The following AKNAD1 variants were observed in gnomAD, a reference collection of about 807,000 sequenced individuals.
AKNAD1 encodes the protein AKNA domain containing 1.
Under a neutral mutation model 90.8 loss-of-function variants are expected in AKNAD1, and 67 were observed. That is an observed-to-expected ratio of 0.74 (90% CI 0.61 to 0.90). The LOEUF (loss-of-function observed/expected upper bound fraction) is 0.90, where lower values mean the gene tolerates loss of function less well. Among genes scored for constraint, AKNAD1 ranks in the 40% least tolerant of loss-of-function variants. The probability of loss-of-function intolerance (pLI) is 0.00; values close to 1 mark genes in which losing one functional copy is unlikely to be tolerated. For missense variants in AKNAD1, 957 were observed against 975.4 expected, an observed-to-expected ratio of 0.98 and a Z score of 0.25; for synonymous variants, 327 against 341.4, an observed-to-expected ratio of 0.96 and a Z score of 0.46.
Position 108,852,301 on chromosome 1 carries a change from A to G in AKNAD1, c.364T>C (p.Phe122Leu), listed in dbSNP as rs147800238. ...CAATCAATGCCTTGACCTCTTAAGAATGGCTCTTTGGAAAGATGATGAAGT... is the reference window on the plus strand; with the variant it reads ...CAATCAATGCCTTGACCTCTTAAGAGTGGCTCTTTGGAAAGATGATGAAGT... The part of the protein sequence containing the change: ...ILLHHLSKEP[F>L]LRGQGIDCET... Residue 122 changes from phenylalanine to leucine, a missense_variant, in exon 2 of 16, where the codon TTC (phenylalanine) becomes CTC (leucine). Coordinates refer to ENST00000370001, the MANE Select transcript of AKNAD1 (RefSeq NM_152763.5). 66 of 1,614,098 alleles carry G rather than the reference A, an allele frequency of 4.1e-5. No homozygotes were observed. Among genetic ancestry groups the G allele is most frequent in the Non-Finnish European group, 5.3e-5 (63 of 1,180,048 alleles).
rs1664862398 is a variant in AKNAD1 at position 108,851,529 on chromosome 1, C to T, written c.993+143G>A. On this transcript the variant is annotated intron_variant, in intron 2 of 15. Coordinates refer to ENST00000370001, the MANE Select transcript of AKNAD1 (RefSeq NM_152763.5). ...TGAGGACACTGAGAGTCGGAGTGGC[C>T]ACGTCACTCATCCAGGGTGACCCAG... 7.5e-6 allele frequency: 5 copies of T among 670,706 alleles called. No individual in the cohort carries two copies. The Admixed American group carries it at 7.9e-5, about 11-fold the overall frequency. The allele number at this position is 670,706 out of a possible 1,614,324, so 41.5% of individuals were successfully genotyped here.
At chr1:108,830,713 A>T (rs1233390776) in intron 9 of AKNAD1, 63 bp from the exon 10 acceptor site, 2 of 1,525,828 alleles carry the variant, frequency 1.3e-6, no homozygotes, top group Non-Finnish European at 1.8e-6. Flanking sequence ...GCGGCTGCAC[A>T]CGCACAGCCC....
At position 108,851,747 on chromosome 1, in the gene AKNAD1, C is replaced by G. The variant is rs143559172; in HGVS notation, c.918G>C (p.Thr306=). 8 of 1,612,318 alleles carry G rather than the reference C, an allele frequency of 5.0e-6. No individual in the cohort carries two copies. The highest frequency in any genetic ancestry group is 6.8e-6 in the Non-Finnish European group (8 of 1,179,490). The change falls in exon 2 of 16, where the codon ACG becomes ACC. Residue 306 remains threonine, a synonymous_variant. Transcript: ENST00000370001. The part of the protein sequence containing the change: ...PTLVQDSLET[T]PESNCVEKQH... ...GTTTTTCAACACAGTTTGACTCAGG[C>G]GTGGTTTCTAGACTATCTTGCACAA...
intron 6 of AKNAD1, among the ~76,000 whole-genome samples, chr1:108,842,730 A>G (rs1220011994): frequency 6.6e-6 from 1 of 152,110 alleles, no homozygotes; most frequent in Non-Finnish European, 1.5e-5. Flanking sequence ...GATAGATAAG[A>G]GAGGAAAAAG....
chr1:108,848,683 A>C, intron 5 of AKNAD1, 69 bp downstream of exon 5: 2 of 1,392,242 alleles, frequency 1.4e-6, no homozygotes, highest in South Asian at 2.5e-5. Context: ...ATGGCACTAT[A>C]AAGTTATTTA....
chr1:108,836,766 T>A (rs1374696122), intron 7 of AKNAD1: 8 of 152,244 alleles, frequency 5.3e-5, no homozygotes, highest in Admixed American at 5.2e-4. Context: ...TTTCTCAGAA[T>A]TTTGATTTTA....
chr1:108,849,067 A>G lies in AKNAD1; in HGVS notation c.1034-7T>C. The G allele has an allele frequency of 3.2e-6, 5 of 1,574,560 alleles. No individual in the cohort carries two copies. The highest frequency in any genetic ancestry group is 4.3e-6 in the Non-Finnish European group (5 of 1,166,268). The stretch of plus-strand genomic sequence containing the variant: ...CTTGCCTCAGATTCTATTCCTATAC[A>G]AGAAAGAACACATTTGGGCTACCAT... On this transcript the variant is annotated splice_region_variant and splice_polypyrimidine_tract_variant and intron_variant, in intron 3 of 15. Coordinates refer to ENST00000370001, the MANE Select transcript of AKNAD1 (RefSeq NM_152763.5).
In AKNAD1 at chr1:108,851,987, T is replaced by A. The variant is rs111252541; in HGVS notation, c.678A>T (p.Lys226Asn). The A allele has an allele frequency of 0.013, 20,613 of 1,614,152 alleles. 294 individuals are homozygous for A. The highest frequency in any genetic ancestry group is 0.052 in the South Asian group (4,738 of 91,078). ...TCTGGGGTGACTGCCCTTGATAACTTTTTTGTTTATCACCTGGACCCTTGG... is the reference window on the plus strand; with the variant it reads ...TCTGGGGTGACTGCCCTTGATAACTATTTTGTTTATCACCTGGACCCTTGG... ...TKTKGPGDKQKSYQGQSPQKQ... is the reference protein window; with the variant it reads ...TKTKGPGDKQNSYQGQSPQKQ... The change falls in exon 2 of 16, where the codon AAA becomes AAT. Residue 226 changes from lysine to asparagine, a missense_variant. Physicochemically the swap from Lys to Asn is moderately conservative, Grantham distance 94 (BLOSUM62 0). Transcript: ENST00000370001.
intron 6 of AKNAD1, among the ~76,000 whole-genome samples, chr1:108,840,278 G>A (rs538821052): frequency 1.4e-4 from 22 of 152,210 alleles, no homozygotes; most frequent in Admixed American, 1.2e-3. Context: ...CCCAGTACAA[G>A]TTAAATATAC....
At chr1:108,820,245 T>C (rs1412682279) in intron 14 of AKNAD1, among the ~76,000 whole-genome samples, 1 of 152,216 alleles carries the variant, frequency 6.6e-6, no homozygotes, top group Non-Finnish European at 1.5e-5. Context: ...AATGGGACTT[T>C]GTACGTCCCC....
In AKNAD1 at chr1:108,827,304, T is replaced by TA. The variant is rs753901143; in HGVS notation, c.1839-3dup. The TA allele has an allele frequency of 4.4e-6, 7 of 1,595,760 alleles. No homozygotes were observed. Among genetic ancestry groups the TA allele is most frequent in the East Asian group, 2.3e-5 (1 of 43,892 alleles). Reference sequence around the variant, plus strand: ...CCCTTTTTCTCCACGTTTTGCTTCCTAAAAAAAGGTGCATAAGATCCTGTA... The same window carrying TA: ...CCCTTTTTCTCCACGTTTTGCTTCCTAAAAAAAAGGTGCATAAGATCCTGTA... On this transcript the variant is annotated splice_region_variant and splice_polypyrimidine_tract_variant and intron_variant, in intron 10 of 15. Transcript: ENST00000370001.
chr1:108,849,076 C>A lies in AKNAD1; in HGVS notation c.1034-16G>T. On this transcript the variant is annotated splice_polypyrimidine_tract_variant and intron_variant, in intron 3 of 15. Coordinates refer to ENST00000370001, the MANE Select transcript of AKNAD1 (RefSeq NM_152763.5). ...GATTCTATTCCTATACAAGAAAGAA[C>A]ACATTTGGGCTACCATTCATCTCAA... 1.3e-6 allele frequency: 2 copies of A among 1,556,788 alleles called. No individual in the cohort carries two copies. The highest frequency in any genetic ancestry group is 8.6e-7 in the Non-Finnish European group (1 of 1,158,086).
Position 108,843,193 on chromosome 1 carries a change from A to G in AKNAD1, c.1320T>C (p.Thr440=), listed in dbSNP as rs1344234806. The G allele has an allele frequency of 6.2e-7, 1 of 1,614,086 alleles. No individual in the cohort carries two copies. Among genetic ancestry groups the G allele is most frequent in the African/African-American group, 1.3e-5 (1 of 74,946 alleles). ...CGTGCTTGTGGACTTGCTGCTGCAAAGTCAGATGCTTGTCCTTGGTGGCCA... is the reference window on the plus strand; with the variant it reads ...CGTGCTTGTGGACTTGCTGCTGCAAGGTCAGATGCTTGTCCTTGGTGGCCA... The part of the protein sequence containing the change: ...NFLATKDKHL[T]LQQQVHKHES... The change falls in exon 6 of 16, where the codon ACT becomes ACC. Residue 440 remains threonine, a synonymous_variant. Coordinates refer to ENST00000370001, the MANE Select transcript of AKNAD1 (RefSeq NM_152763.5).
At chr1:108,843,840 A>G (rs1178042001) in intron 5 of AKNAD1, among the ~76,000 whole-genome samples, 2 of 152,184 alleles carry the variant, frequency 1.3e-5, no homozygotes, top group Non-Finnish European at 2.9e-5. Flanking sequence ...TGGGTCTTCC[A>G]GACATCACTA....
chr1:108,826,966 T>C (rs906341280), intron 11 of AKNAD1, among the ~76,000 whole-genome samples: 6 of 151,390 alleles, frequency 4.0e-5, no homozygotes, highest in African/African-American at 1.2e-4. Context: ...GGTCTTGAAC[T>C]CCTGAGCTCA....
chr1:108,819,464 A>AAAG lies in AKNAD1; in HGVS notation c.2249+1080_2249+1081insCTT, dbSNP rs200704733. 9.9e-3 allele frequency among the ~76,000 whole-genome samples: 1,504 copies of AAAG among 151,256 alleles called. 37 individuals carry two copies. The highest frequency in any genetic ancestry group is 0.083 in the East Asian group (423 of 5,092). On this transcript the variant is annotated intron_variant, in intron 14 of 15. Transcript: ENST00000370001. Reference sequence around the variant, plus strand: ...AAGACCCCATCTCTACCAAAAAAAAAAAAAAAGTAGCTAGCTGTGGTATCA... The same window carrying AAAG: ...AAGACCCCATCTCTACCAAAAAAAAAAAGAAAAAAGTAGCTAGCTGTGGTATCA...
intron 11 of AKNAD1, among the ~76,000 whole-genome samples, chr1:108,827,000 C>G (rs1664018914): frequency 6.6e-6 from 1 of 151,448 alleles, no homozygotes; most frequent in South Asian, 2.1e-4. Context: ...CCTCAGCCTC[C>G]CAAAGTGCTG....
chr1:108,816,034 AC>A lies in AKNAD1; in HGVS notation c.*136del, dbSNP rs2101149483. The A allele has an allele frequency of 1.2e-6, 1 of 858,698 alleles. No individual in the cohort carries two copies. Among genetic ancestry groups the A allele is most frequent in the South Asian group, 3.0e-5 (1 of 32,826 alleles). The allele number at this position is 858,698 out of a possible 1,614,324, so 53.2% of individuals were successfully genotyped here. ...CTTTTTCCTTTAAGTACTTTGTGTTACCCATTTCTTATGGTTTCTGTGTTTT... is the reference window on the plus strand; with the variant it reads ...CTTTTTCCTTTAAGTACTTTGTGTTACCATTTCTTATGGTTTCTGTGTTTT... On this transcript the variant is annotated 3_prime_UTR_variant, in exon 16 of 16. Coordinates refer to ENST00000370001, the MANE Select transcript of AKNAD1 (RefSeq NM_152763.5).
At chr1:108,848,503 T>G (rs1337263622) in intron 5 of AKNAD1, among the ~76,000 whole-genome samples, 2 of 152,166 alleles carry the variant, frequency 1.3e-5, no homozygotes. Context: ...GGTGTCAGAT[T>G]AATTATGAGT....
Sources: gnomAD v4.1 joint callset for allele counts (sites outside exome capture counted in the v4.1 genomes callset) on GRCh38, gnomAD v4.1.1 for gene constraint, MANE v1.5 for transcripts, NCBI Gene and HGNC (gene_info 2026-07-23, HGNC 2026-07-21) for gene names.